The following TRAPPC8 variants were observed in gnomAD, a reference collection of about 807,000 sequenced individuals.
TRAPPC8 encodes the protein general sporulation gene 1 homolog.
Under a neutral mutation model 174.3 loss-of-function variants are expected in TRAPPC8, and 54 were observed. The observed-to-expected ratio is 0.31, with a 90% confidence interval of 0.25 to 0.39. TRAPPC8 has a LOEUF of 0.39. TRAPPC8 is among the 10% of genes least tolerant of loss of function. The probability of loss-of-function intolerance (pLI) is 1.00; values close to 1 mark genes in which losing one functional copy is unlikely to be tolerated. For missense variants in TRAPPC8, 1,531 were observed against 1,699.1 expected, an observed-to-expected ratio of 0.90 and a Z score of 1.74; for synonymous variants, 630 against 579.9, an observed-to-expected ratio of 1.09 and a Z score of -1.24.
At chr18:31,906,886 A>G (rs570308547) in intron 9 of TRAPPC8, among the ~76,000 whole-genome samples, 4 of 152,306 alleles carry the variant, frequency 2.6e-5, no homozygotes, top group Admixed American at 2.6e-4. Flanking sequence ...GAGATATTCA[A>G]TAACTTGCCT....
At chr18:31,935,444 G>T (rs916458988) in intron 1 of TRAPPC8, among the ~76,000 whole-genome samples, 8 of 146,448 alleles carry the variant, frequency 5.5e-5, no homozygotes, top group African/African-American at 1.8e-4. Flanking sequence ...CCAGCTACTC[G>T]GCAGGCTGAG....
intron 21 of TRAPPC8, 77 bp from the exon 22 acceptor site, chr18:31,854,022 G>C: frequency 9.0e-7 from 1 of 1,107,000 alleles, no homozygotes; most frequent in Non-Finnish European, 1.3e-6. Flanking sequence ...ATAAAATTCA[G>C]ACACTGCTAC....
chr18:31,862,636 A>G (rs745686732), intron 19 of TRAPPC8, among the ~76,000 whole-genome samples: 14 of 152,118 alleles, frequency 9.2e-5, no homozygotes, highest in Non-Finnish European at 1.8e-4. Flanking sequence ...AGCAAGGGTT[A>G]AATGTGGACA....
chr18:31,878,601 G>A (rs1325762232), intron 12 of TRAPPC8, among the ~76,000 whole-genome samples: 1 of 151,858 alleles, frequency 6.6e-6, no homozygotes, highest in African/African-American at 2.4e-5. Context: ...TATACAATTG[G>A]GACTACAAAG....
chr18:31,917,992 G>C (rs1318957620), intron 2 of TRAPPC8, among the ~76,000 whole-genome samples: 1 of 152,052 alleles, frequency 6.6e-6, no homozygotes, highest in Middle Eastern at 3.2e-3. Context: ...CGGGCATGGT[G>C]GCACGTGACT....
intron 1 of TRAPPC8, among the ~76,000 whole-genome samples, chr18:31,939,979 T>C (rs1266068985): frequency 2.0e-5 from 3 of 152,170 alleles, no homozygotes; most frequent in East Asian, 1.9e-4. Flanking sequence ...CACTGTCCAA[T>C]ACAGTAGGCA....
At chr18:31,857,096 A>G (rs921038651) in intron 20 of TRAPPC8, among the ~76,000 whole-genome samples, 1 of 152,154 alleles carries the variant, frequency 6.6e-6, no homozygotes, top group African/African-American at 2.4e-5. Context: ...TCTTCTGTAA[A>G]TATGTACTGT....
chr18:31,913,558 G>C (rs762394862), intron 4 of TRAPPC8, 36 bp from the exon 5 acceptor site: 1 of 1,522,568 alleles, frequency 6.6e-7, no homozygotes, highest in Non-Finnish European at 8.8e-7. Context: ...TGAAGTAAAA[G>C]AGGAGCAGGC....
chr18:31,831,972 A>T, intron 28 of TRAPPC8, 112 bp downstream of exon 28: 1 of 677,248 alleles, frequency 1.5e-6, no homozygotes, highest in Non-Finnish European at 2.3e-6. Context: ...CCAAACAAAA[A>T]ACCAGGACAA....
At chr18:31,845,464 GT>G (rs879717982) in intron 26 of TRAPPC8, among the ~76,000 whole-genome samples, 89 of 144,994 alleles carry the variant, frequency 6.1e-4, no homozygotes, top group Middle Eastern at 7.1e-3. Flanking sequence ...TAATGTTGTA[GT>G]TTTTTTTTTT....
Position 31,908,386 on chromosome 18 carries a change from T to C in TRAPPC8, c.1155A>G (p.Leu385=), listed in dbSNP as rs1418318037. 3.1e-6 allele frequency: 5 copies of C among 1,603,160 alleles called. No homozygotes were observed. Among genetic ancestry groups the C allele is most frequent in the African/African-American group, 1.3e-5 (1 of 74,406 alleles). Residue 385 remains leucine (L), a synonymous_variant, in exon 8 of 29, where the codon CTA becomes CTG. Transcript: ENST00000283351. ...LISRKGLSRS[L]FSATKKWFSG... ...TAAACCATTTTTTAGTTGCAGAAAA[T>C]AGAGATCGACTCAAACCTTTTCTTG...
At chr18:31,873,662 TACTA>T in intron 13 of TRAPPC8, 124 bp from the exon 14 acceptor site, 1 of 611,114 alleles carries the variant, frequency 1.6e-6, no homozygotes. Flanking sequence ...GATATGTAAT[TACTA>T]GTTTTATTTC....
At chr18:31,900,828 TTA>T (rs2036388600) in intron 10 of TRAPPC8, 95 bp downstream of exon 10, 14 of 907,422 alleles carry the variant, frequency 1.5e-5, no homozygotes, top group Middle Eastern at 3.0e-4. Context: ...TCCGACTATA[TTA>T]ACTTGATTTG....
intron 16 of TRAPPC8, among the ~76,000 whole-genome samples, chr18:31,869,263 T>C (rs1050303366): frequency 6.6e-6 from 1 of 152,166 alleles, no homozygotes; most frequent in Admixed American, 6.5e-5. Context: ...AATGAGGTTT[T>C]GAATAGGCAA....
At chr18:31,900,549 CA>C (rs997298426) in intron 10 of TRAPPC8, among the ~76,000 whole-genome samples, 1 of 152,182 alleles carries the variant, frequency 6.6e-6, no homozygotes, top group Non-Finnish European at 1.5e-5. Context: ...GGTGAGTTCT[CA>C]CTTTTATAGG....
At chr18:31,939,639 G>GGA (rs2038246230) in intron 1 of TRAPPC8, 2 of 152,220 alleles carry the variant, frequency 1.3e-5, no homozygotes, top group Admixed American at 6.6e-5. Flanking sequence ...TCACTAGGCT[G>GGA]GACGCAGTGG....
At chr18:31,843,007 G>A (rs2144988277) in intron 26 of TRAPPC8, among the ~76,000 whole-genome samples, 1 of 152,026 alleles carries the variant, frequency 6.6e-6, no homozygotes. Context: ...AAAAGAAAAA[G>A]ATCTAAAGGT....
chr18:31,909,324 T>C (rs2036807800), intron 6 of TRAPPC8, among the ~76,000 whole-genome samples: 1 of 151,938 alleles, frequency 6.6e-6, no homozygotes, highest in Non-Finnish European at 1.5e-5. Flanking sequence ...AGAAAAAATA[T>C]AACAAAAAAA....
intron 5 of TRAPPC8, among the ~76,000 whole-genome samples, chr18:31,912,654 C>G (rs1477913709): frequency 6.6e-6 from 1 of 151,702 alleles, no homozygotes; most frequent in Non-Finnish European, 1.5e-5. Flanking sequence ...GAGCAACACT[C>G]TGTTTCAAAA....
Sources: gnomAD v4.1 joint callset for allele counts (sites outside exome capture counted in the v4.1 genomes callset) on GRCh38, gnomAD v4.1.1 for gene constraint, MANE v1.5 for transcripts, NCBI Gene and HGNC (gene_info 2026-07-23, HGNC 2026-07-21) for gene names.